The following PACSIN2 variants were observed in gnomAD, a reference collection of about 807,000 sequenced individuals.
PACSIN2 encodes the protein protein kinase C and casein kinase substrate in neurons 2, also known as protein kinase C and casein kinase substrate in neurons protein 2.
In PACSIN2, 25 loss-of-function variants were observed where a neutral mutation model predicts 63.8. The ratio of observed to expected loss-of-function variants is 0.39; its 90% CI spans 0.29 to 0.55. PACSIN2 has a LOEUF of 0.55. Ranked by LOEUF, PACSIN2 falls within the 20% of genes least tolerant of loss-of-function variation. The pLI is 0.62. For missense variants in PACSIN2, 518 were observed against 646.9 expected (o/e 0.80, Z 2.16); for synonymous variants, 255 against 256.2 (o/e 1.00, Z 0.05).
rs138197642 is a variant in PACSIN2, at chr22:42,891,004, C to T, written c.396G>A (p.Lys132=). Residue 132 remains lysine, a synonymous_variant, in exon 4 of 11, where the codon AAG becomes AAA. Coordinates refer to ENST00000263246, the MANE Select transcript of PACSIN2 (RefSeq NM_001184970.3). ...KQMMGGFKET[K]EAEDGFRKAQ... ...CCTTCCGAAAGCCGTCCTCAGCTTC[C>T]TTGGTCTCCTTGAAGCCGCCCATCA... 107 of 1,614,194 alleles carry T rather than the reference C, an allele frequency of 6.6e-5. No homozygotes were observed. In the African/African-American group the frequency reaches 1.2e-3, roughly 18 times the overall value.
chr22:42,874,467 ATATGTGTGTGGG>A (rs1262583137), intron 10 of PACSIN2, among the ~76,000 whole-genome samples: 5 of 152,186 alleles, frequency 3.3e-5, no homozygotes, highest in African/African-American at 9.7e-5. Context: ...AGCAACACAG[ATATGTGTGTGGG>A]TTGGTGTGTG....
At chr22:42,973,147 A>G (rs750119016) in intron 1 of PACSIN2, among the ~76,000 whole-genome samples, 7 of 152,360 alleles carry the variant, frequency 4.6e-5, no homozygotes, top group Non-Finnish European at 1.0e-4. Flanking sequence ...AAATATTCCT[A>G]TCCAAAATGC....
intron 1 of PACSIN2, among the ~76,000 whole-genome samples, chr22:43,007,697 A>C (rs534403392): frequency 6.6e-6 from 1 of 152,170 alleles, no homozygotes; most frequent in Non-Finnish European, 1.5e-5. Flanking sequence ...CTTTGTACAC[A>C]CTACTATCTG....
At chr22:42,989,868 ATATAT>A (rs772167223) in intron 1 of PACSIN2, among the ~76,000 whole-genome samples, 20 of 62,304 alleles carry the variant, frequency 3.2e-4, no homozygotes, top group Middle Eastern at 8.3e-3. Flanking sequence ...GGAAAAAAAA[ATATAT>A]ATATATATAT....
At chr22:42,878,323 G>C (rs1482910589) in intron 8 of PACSIN2, among the ~76,000 whole-genome samples, 1 of 152,128 alleles carries the variant, frequency 6.6e-6, no homozygotes, top group East Asian at 1.9e-4. Flanking sequence ...TGGGGAGCCT[G>C]GGTGGGGGCT....
intron 5 of PACSIN2, among the ~76,000 whole-genome samples, chr22:42,885,935 C>T (rs1465628239): frequency 1.3e-5 from 2 of 152,224 alleles, no homozygotes; most frequent in Admixed American, 1.3e-4. Context: ...TGCCCGTGCC[C>T]ACTACCTGGC....
intron 1 of PACSIN2, among the ~76,000 whole-genome samples, chr22:42,970,237 C>T (rs1043718992): frequency 7.9e-5 from 12 of 152,212 alleles, no homozygotes; most frequent in Non-Finnish European, 1.3e-4. Context: ...GTTAACATCA[C>T]GGTGGTGAGT....
At chr22:42,888,328 G>A (rs9607978) in intron 5 of PACSIN2, among the ~76,000 whole-genome samples, 67,395 of 151,956 alleles carry the variant, frequency 0.44, 15,439 homozygotes, top group Non-Finnish European at 0.48. Flanking sequence ...CACCACTGGC[G>A]ACGCCCATGT....
intron 2 of PACSIN2, among the ~76,000 whole-genome samples, chr22:42,904,588 G>A (rs1048130969): frequency 6.6e-5 from 10 of 152,076 alleles, no homozygotes; most frequent in African/African-American, 1.9e-4. Context: ...AAACTGGCTC[G>A]ACCCCTAAGG....
At chr22:42,971,144 TG>T (rs1444834811) in intron 1 of PACSIN2, among the ~76,000 whole-genome samples, 1 of 152,238 alleles carries the variant, frequency 6.6e-6, no homozygotes, top group Non-Finnish European at 1.5e-5. Context: ...GAGCCAAAGC[TG>T]GACTGTACTG....
chr22:42,937,422 G>A (rs1414016989), intron 1 of PACSIN2, among the ~76,000 whole-genome samples: 1 of 152,072 alleles, frequency 6.6e-6, no homozygotes, highest in Non-Finnish European at 1.5e-5. Context: ...TAGAAATAAC[G>A]ATGCATGAGC....
chr22:43,013,436 A>G (rs999777149), intron 1 of PACSIN2, among the ~76,000 whole-genome samples: 3 of 152,262 alleles, frequency 2.0e-5, no homozygotes, highest in Non-Finnish European at 2.9e-5. Flanking sequence ...AATTAAGTTT[A>G]AGTCCACACA....
intron 3 of PACSIN2, among the ~76,000 whole-genome samples, chr22:42,891,508 C>T (rs796517720): frequency 1.6e-4 from 24 of 152,310 alleles, no homozygotes; most frequent in African/African-American, 5.8e-4. Flanking sequence ...TCAAGAGATT[C>T]TCCTGCCTCA....
chr22:42,957,818 T>C (rs533744048), intron 1 of PACSIN2, among the ~76,000 whole-genome samples: 78 of 152,216 alleles, frequency 5.1e-4, no homozygotes, highest in Non-Finnish European at 8.1e-4. Context: ...CTTGTATTAG[T>C]TGTGATTGTA....
chr22:42,933,527 C>T (rs1256300667), intron 1 of PACSIN2, among the ~76,000 whole-genome samples: 1 of 152,214 alleles, frequency 6.6e-6, no homozygotes, highest in African/African-American at 2.4e-5. Flanking sequence ...CAAGGGTGGT[C>T]TGTTAGATGT....
intron 1 of PACSIN2, among the ~76,000 whole-genome samples, chr22:42,969,796 T>G (rs898106727): frequency 1.3e-5 from 2 of 151,594 alleles, no homozygotes; most frequent in Non-Finnish European, 2.9e-5. Context: ...TAAGCTGGGC[T>G]TGATAGTGCA....
intron 1 of PACSIN2, among the ~76,000 whole-genome samples, chr22:42,984,397 C>T (rs1308295206): frequency 1.3e-5 from 2 of 152,076 alleles, no homozygotes; most frequent in African/African-American, 4.8e-5. Flanking sequence ...AATTTCCCAC[C>T]CGGAAGAAAT....
At chr22:42,980,540 A>G (rs1163120496) in intron 1 of PACSIN2, among the ~76,000 whole-genome samples, 4 of 119,102 alleles carry the variant, frequency 3.4e-5, no homozygotes, top group African/African-American at 6.3e-5. Flanking sequence ...ATGCCGAGCC[A>G]AAGCTGGACG....
intron 1 of PACSIN2, among the ~76,000 whole-genome samples, chr22:42,916,183 C>T (rs953429688): frequency 3.3e-5 from 5 of 152,136 alleles, no homozygotes; most frequent in African/African-American, 1.2e-4. Context: ...GGTCACAGGC[C>T]GTGGCACGGC....
Sources: gnomAD v4.1 joint callset for allele counts (sites outside exome capture counted in the v4.1 genomes callset) on GRCh38, gnomAD v4.1.1 for gene constraint, MANE v1.5 for transcripts, NCBI Gene and HGNC (gene_info 2026-07-23, HGNC 2026-07-21) for gene names.